The following DEPDC1 variants were observed in gnomAD, a reference collection of about 807,000 sequenced individuals.
DEPDC1 encodes the protein DEP domain-containing protein 1A.
Under a neutral mutation model 86.8 loss-of-function variants are expected in DEPDC1, and 66 were observed. That is an observed-to-expected ratio of 0.76 (90% CI 0.62 to 0.93). The LOEUF is 0.93. DEPDC1 is among the 40% of genes least tolerant of loss of function. The pLI is 0.00. For synonymous variants in DEPDC1, 255 were observed against 314.9 expected (o/e 0.81, Z 2.02); for missense variants, 792 against 935.7 (o/e 0.85, Z 2.00).
intron 9 of DEPDC1, 79 bp from the exon 10 acceptor site, chr1:68,479,399 A>G (rs1646138672): frequency 8.8e-7 from 1 of 1,141,746 alleles, no homozygotes; most frequent in Non-Finnish European, 1.2e-6. Flanking sequence ...TCCAGGTAGC[A>G]TTATGTGAAG....
intron 9 of DEPDC1, 113 bp from the exon 10 acceptor site, chr1:68,479,433 C>A: frequency 4.2e-6 from 3 of 716,708 alleles, no homozygotes; most frequent in Middle Eastern, 2.5e-4. Context: ...TGGTAAGCAG[C>A]CCTCAGTTTA....
In DEPDC1 at chr1:68,482,864, GATCT is replaced by G; in HGVS notation, c.940_943del (p.Arg314ProfsTer19). ...ATCTTGAATTTTATGTATCCCACTG[GATCT>G]ATCTGAAACTGTGATGTAGCCACAA... On this transcript the variant is annotated frameshift_variant, in exon 8 of 12. Transcript: ENST00000456315. LOFTEE classifies it high-confidence loss of function. 6.3e-7 allele frequency: 1 copy of G among 1,595,510 alleles called. No homozygotes were observed. The highest frequency in any genetic ancestry group is 8.5e-7 in the Non-Finnish European group (1 of 1,172,466).
In DEPDC1 at chr1:68,491,729, G is replaced by A. The variant is rs1030952592; in HGVS notation, c.315-2121C>T. 6.6e-5 allele frequency among the ~76,000 whole-genome samples: 10 copies of A among 152,098 alleles called. No individual in the cohort carries two copies. In the East Asian group the frequency reaches 9.7e-4, roughly 15 times the overall value. The stretch of plus-strand genomic sequence containing the variant: ...TTTAATAAATGTATATAAACAATAT[G>A]TGGTTTGGTGTTTTTTCACTTTATC... On this transcript the variant is annotated intron_variant, in intron 2 of 11. Coordinates refer to ENST00000456315, the MANE Select transcript of DEPDC1 (RefSeq NM_001114120.3).
rs758984738 is a variant in DEPDC1, at chr1:68,482,865, A to T, written c.943T>A (p.Ser315Thr). The T allele has an allele frequency of 1.9e-6, 3 of 1,595,550 alleles. No individual in the cohort carries two copies. The African/African-American group carries it at 4.1e-5, about 22-fold the overall frequency. The change falls in exon 8 of 12, where the codon TCC (serine) becomes ACC (threonine). Residue 315 changes from serine (S) to threonine (T), a missense_variant. By Grantham distance (58) the Ser-to-Thr change is moderately conservative. Coordinates refer to ENST00000456315, the MANE Select transcript of DEPDC1 (RefSeq NM_001114120.3). ...TCTTGAATTTTATGTATCCCACTGG[A>T]TCTATCTGAAACTGTGATGTAGCCA... is the stretch of plus-strand genomic sequence containing the variant. ...VCGYITVSDR[S>T]SGIHKIQDDP...
At chr1:68,483,239 T>A in intron 7 of DEPDC1, 1 of 526,270 alleles carries the variant, frequency 1.9e-6, no homozygotes, top group Non-Finnish European at 3.7e-6. Context: ...TGTGGTATAA[T>A]AAAATACATA....
At position 68,496,982 on chromosome 1, in the gene DEPDC1, C is replaced by T. The variant is rs138446456; in HGVS notation, c.18G>A (p.Val6=). Residue 6 remains valine (V), a synonymous_variant, in exon 1 of 12, where the codon GTG becomes GTA. Coordinates refer to ENST00000456315, the MANE Select transcript of DEPDC1 (RefSeq NM_001114120.3). The surrounding 1 kb of genome is among the most constrained non-coding windows in gnomAD (Gnocchi z 4.0). ...TGGTGGCCCGATAAGGCCCGGGAGG[C>T]ACACCCTGACTCTCCATAGGTCTGT... The part of the protein sequence containing the change: MESQG[V]PPGPYRATKL... The T allele has an allele frequency of 1.9e-4, 304 of 1,613,482 alleles. 1 individual carries two copies. In the African/African-American group the frequency reaches 3.5e-3, roughly 19 times the overall value.
chr1:68,483,968 A>G lies in DEPDC1; in HGVS notation c.892T>C (p.Leu298=). Residue 298 remains leucine (L), a synonymous_variant, in exon 7 of 12, where the codon TTA becomes CTA. Transcript: ENST00000456315. ...TACATACCCAAAATGTTTACAAATA[A>G]TTCGTAATATTCAAAAGTAAGTAGA... ...EPLLTFEYYE[L]FVNILVVCGY... 6.6e-7 allele frequency: 1 copy of G among 1,522,530 alleles called. No individual in the cohort carries two copies. Among genetic ancestry groups the G allele is most frequent in the South Asian group, 1.3e-5 (1 of 79,602 alleles). The allele number at this position is 1,522,530 out of a possible 1,614,324, so 94.3% of individuals were successfully genotyped here.
chr1:68,491,954 C>A (rs12734247), intron 2 of DEPDC1, among the ~76,000 whole-genome samples: 7,769 of 150,326 alleles, frequency 0.052, 253 homozygotes, highest in South Asian at 0.11. Flanking sequence ...ACAGGGTCTC[C>A]CTATGTTATC....
chr1:68,486,881 A>C (rs1366181813), intron 6 of DEPDC1, 56 bp downstream of exon 6: 2 of 1,176,566 alleles, frequency 1.7e-6, no homozygotes, highest in Admixed American at 3.1e-5. Context: ...CTATCAATAT[A>C]ACACACACAC....
At chr1:68,479,591 C>T (rs1646139994) in intron 9 of DEPDC1, among the ~76,000 whole-genome samples, 1 of 151,850 alleles carries the variant, frequency 6.6e-6, no homozygotes, top group Non-Finnish European at 1.5e-5. Context: ...TCACTTGAGG[C>T]AAGGAGTTCG....
Position 68,485,027 on chromosome 1 carries a change from A to G in DEPDC1, c.770-937T>C, listed in dbSNP as rs183249492. Among the ~76,000 whole-genome samples, 13 of 151,802 alleles carry G rather than the reference A, an allele frequency of 8.6e-5. No homozygotes were observed. In the East Asian group the frequency reaches 2.5e-3, roughly 29 times the overall value. On this transcript the variant is annotated intron_variant, in intron 6 of 11. Transcript: ENST00000456315. ...TGACTGTGGTATGCATCTAGGTTTT[A>G]GAGCCATTATACTATCTTTCAAGTT...
rs1646155246 is a variant in DEPDC1, at chr1:68,481,512, C to CTTT, written c.1862_1863insAAA (p.Met621delinsIleLys). 1 of 1,612,266 alleles carries CTTT rather than the reference C, an allele frequency of 6.2e-7. No homozygotes were observed. Among genetic ancestry groups the CTTT allele is most frequent in the Non-Finnish European group, 8.5e-7 (1 of 1,179,034 alleles). ...TTTGACTCATTCGGGAAATCATACGCATTAAAAGTTGAAGCTTTCTACGAT... is the reference window on the plus strand; with the variant it reads ...TTTGACTCATTCGGGAAATCATACGCTTTATTAAAAGTTGAAGCTTTCTACGAT... On this transcript the variant is annotated protein_altering_variant, in exon 9 of 12. Coordinates refer to ENST00000456315, the MANE Select transcript of DEPDC1 (RefSeq NM_001114120.3).
intron 10 of DEPDC1, among the ~76,000 whole-genome samples, chr1:68,478,587 T>C (rs1376612427): frequency 2.6e-5 from 4 of 151,958 alleles, no homozygotes; most frequent in Non-Finnish European, 4.4e-5. Flanking sequence ...TAAACATGTG[T>C]TGGGCAGCCA....
intron 5 of DEPDC1, among the ~76,000 whole-genome samples, chr1:68,487,421 T>C (rs773970790): frequency 4.6e-4 from 70 of 152,158 alleles, no homozygotes; most frequent in African/African-American, 1.6e-3. Context: ...CTCACTATTA[T>C]GCTGCTTTTA....
chr1:68,492,322 T>C (rs571595233), intron 2 of DEPDC1, among the ~76,000 whole-genome samples: 5 of 152,346 alleles, frequency 3.3e-5, no homozygotes, highest in Non-Finnish European at 7.4e-5. Flanking sequence ...TTATTCTATT[T>C]AATACAATTT....
Position 68,476,456 on chromosome 1 carries a change from G to A in DEPDC1, c.*476C>T, listed in dbSNP as rs1447234996. The A allele has an allele frequency of 6.6e-6, 1 of 151,884 alleles. No homozygotes were observed. Among genetic ancestry groups the A allele is most frequent in the African/African-American group, 2.4e-5 (1 of 41,404 alleles). 9.4% of individuals were successfully genotyped at this position (151,884 alleles called of 1,614,324 possible). A position where few individuals can be genotyped will look rare whatever the true frequency, so the allele number is the denominator to read the frequency against. ...AAGTGGAAAAAGAATATATAAAAGAGTGCAACATTTGGCAGCTGAGAATTA... is the reference window on the plus strand; with the variant it reads ...AAGTGGAAAAAGAATATATAAAAGAATGCAACATTTGGCAGCTGAGAATTA... On this transcript the variant is annotated 3_prime_UTR_variant, in exon 12 of 12. Transcript: ENST00000456315.
chr1:68,478,001 T>G, intron 10 of DEPDC1, 29 bp from the exon 11 acceptor site: 1 of 1,434,068 alleles, frequency 7.0e-7, no homozygotes, highest in Non-Finnish European at 9.3e-7. Context: ...TATAACTCTG[T>G]TAATTCTGGT....
In DEPDC1 at chr1:68,479,239, A is replaced by T. The variant is rs918263719; in HGVS notation, c.2017T>A (p.Ser673Thr). 9.3e-6 allele frequency: 15 copies of T among 1,612,580 alleles called. No homozygotes were observed. The highest frequency in any genetic ancestry group is 1.2e-5 in the Non-Finnish European group (14 of 1,179,238). ...TCCTGATGATGATCCATTAAGAAAGAAACTAATCTTCCAGCAAGAAGCTCA... is the reference window on the plus strand; with the variant it reads ...TCCTGATGATGATCCATTAAGAAAGTAACTAATCTTCCAGCAAGAAGCTCA... ...LDELLAGRLV[S>T]FLMDHHQEIL... Residue 673 changes from serine to threonine, a missense_variant, in exon 10 of 12, where the codon TCT becomes ACT. Ser to Thr is a moderately conservative substitution (Grantham distance 58). Transcript: ENST00000456315.
chr1:68,485,164 TCACACACACACACA>T (rs57417497), intron 6 of DEPDC1, among the ~76,000 whole-genome samples: 4 of 149,462 alleles, frequency 2.7e-5, no homozygotes, highest in African/African-American at 9.8e-5. Flanking sequence ...AGAAAACAAT[TCACACACACACACA>T]CACACACACA....
Sources: allele counts gnomAD v4.1 joint callset (sites outside exome capture counted in the v4.1 genomes callset), GRCh38; gene constraint gnomAD v4.1.1; non-coding constraint Gnocchi (gnomAD v3.1); transcripts MANE v1.5; gene names NCBI Gene and HGNC (gene_info 2026-07-23, HGNC 2026-07-21).